C17orf67: variants seen among roughly 807,000 people sequenced by gnomAD.
C17orf67 encodes uncharacterized protein C17orf67.
In C17orf67, 12 loss-of-function variants were observed where a neutral mutation model predicts 11.2. The ratio of observed to expected loss-of-function variants is 1.07; its 90% confidence interval spans 0.68 to 1.73. The LOEUF (loss-of-function observed/expected upper bound fraction) is 1.73. Among genes scored for constraint, C17orf67 ranks in the 40% most tolerant of loss-of-function variants. The pLI is 0.00. For synonymous variants in C17orf67, 59 were observed against 46.9 expected (o/e 1.26, Z -1.05); for missense variants, 115 against 113.5 (o/e 1.01, Z -0.06).
chr17:56,813,336 A>C (rs1905677757), intron 6 of C17orf67, among the ~76,000 whole-genome samples: 1 of 140,752 alleles, frequency 7.1e-6, no homozygotes, highest in African/African-American at 2.7e-5. Context: ...TTGCTCTGCC[A>C]CCCCCACTCT....
intron 6 of C17orf67, among the ~76,000 whole-genome samples, chr17:56,798,658 T>C (rs1336985331): frequency 9.5e-6 from 1 of 105,390 alleles, no homozygotes; most frequent in Non-Finnish European, 2.0e-5. Flanking sequence ...TGAAACTCTG[T>C]CTCTACCAAA....
chr17:56,795,070 A>G lies in C17orf67; in HGVS notation c.267T>C (p.Pro89=). ...KPHCDRNRIH[P]V is the part of the protein sequence containing the mutation. ...GAGGCTGGTCCTGATCCCCTTACAC[A>G]GGATGAATCCTGTTCCTGTCACAGT... Residue 89 remains proline (P), a synonymous_variant, in exon 7 of 8, where the codon CCT becomes CCC. Transcript: ENST00000397861. 1 of 1,613,740 alleles carries G rather than the reference A, an allele frequency of 6.2e-7. No individual in the cohort carries two copies. Among genetic ancestry groups the G allele is most frequent in the Non-Finnish European group, 8.5e-7 (1 of 1,179,750 alleles).
At chr17:56,809,532 C>T (rs1376932734) in intron 6 of C17orf67, among the ~76,000 whole-genome samples, 5 of 146,322 alleles carry the variant, frequency 3.4e-5, no homozygotes, top group African/African-American at 5.1e-5. Flanking sequence ...TACACCCTCA[C>T]GTACACCCCT....
At chr17:56,809,617 A>G (rs112240127) in intron 6 of C17orf67, among the ~76,000 whole-genome samples, 3,226 of 124,276 alleles carry the variant, frequency 0.026, 132 homozygotes, top group African/African-American at 0.095. Flanking sequence ...CCTCACGCGC[A>G]CACACACCCA....
chr17:56,807,998 C>T (rs1248114792), intron 6 of C17orf67, among the ~76,000 whole-genome samples: 1 of 152,124 alleles, frequency 6.6e-6, no homozygotes, highest in Non-Finnish European at 1.5e-5. Context: ...TGTCTCCAAG[C>T]AAATTAGTTC....
At chr17:56,825,964 C>T (rs1477345169) in intron 2 of C17orf67, among the ~76,000 whole-genome samples, 7 of 125,916 alleles carry the variant, frequency 5.6e-5, no homozygotes, top group African/African-American at 1.8e-4. Context: ...TGTGTGTGCA[C>T]GCGTGTGTGT....
chr17:56,812,132 C>A (rs1390223435), intron 6 of C17orf67, among the ~76,000 whole-genome samples: 2 of 152,244 alleles, frequency 1.3e-5, no homozygotes, highest in Admixed American at 6.5e-5. Context: ...TCAACCAATT[C>A]TGTGTGTGTT....
intron 4 of C17orf67, among the ~76,000 whole-genome samples, chr17:56,819,124 T>C (rs1193218797): frequency 6.6e-6 from 1 of 152,146 alleles, no homozygotes; most frequent in Non-Finnish European, 1.5e-5. Context: ...GACCCTGTGT[T>C]TTTTGTGCCT....
chr17:56,830,950 A>G (rs1160697770), intron 2 of C17orf67, among the ~76,000 whole-genome samples: 1 of 152,230 alleles, frequency 6.6e-6, no homozygotes, highest in African/African-American at 2.4e-5. Flanking sequence ...TGAAGGGGGC[A>G]TGAGTCTGGT....
At chr17:56,818,742 T>C (rs1905824875) in intron 4 of C17orf67, among the ~76,000 whole-genome samples, 2 of 152,210 alleles carry the variant, frequency 1.3e-5, no homozygotes, top group Admixed American at 6.5e-5. Context: ...AAACAAGTTG[T>C]CAATGAGAGA....
intron 6 of C17orf67, among the ~76,000 whole-genome samples, chr17:56,798,268 C>T (rs1401807530): frequency 3.3e-5 from 5 of 151,936 alleles, no homozygotes; most frequent in Non-Finnish European, 2.9e-5. Context: ...ACCCCTTGTC[C>T]TACCTTCTTC....
At chr17:56,831,783 C>T (rs985727165) in intron 2 of C17orf67, among the ~76,000 whole-genome samples, 1 of 152,168 alleles carries the variant, frequency 6.6e-6, no homozygotes, top group Non-Finnish European at 1.5e-5. Flanking sequence ...CATGTACATA[C>T]GTACGACTGA....
At chr17:56,829,519 C>G (rs928649918) in intron 2 of C17orf67, among the ~76,000 whole-genome samples, 1 of 152,168 alleles carries the variant, frequency 6.6e-6, no homozygotes, top group African/African-American at 2.4e-5. Context: ...CCCAGGAGGG[C>G]TTGGGTCTTA....
At chr17:56,828,693 C>T (rs1223711329) in intron 2 of C17orf67, among the ~76,000 whole-genome samples, 1 of 152,100 alleles carries the variant, frequency 6.6e-6, no homozygotes, top group Non-Finnish European at 1.5e-5. Flanking sequence ...TACACCTTCT[C>T]CCCCATCACA....
At chr17:56,816,498 A>G (rs982498946) in intron 4 of C17orf67, among the ~76,000 whole-genome samples, 6 of 152,240 alleles carry the variant, frequency 3.9e-5, no homozygotes, top group African/African-American at 1.4e-4. Context: ...CATGGCAGCT[A>G]GTACTATTCA....
intron 6 of C17orf67, among the ~76,000 whole-genome samples, chr17:56,809,850 C>T (rs1597992551): frequency 6.9e-6 from 1 of 144,150 alleles, no homozygotes; most frequent in African/African-American, 2.6e-5. Context: ...TACACATACA[C>T]CCTCACACAC....
chr17:56,806,104 A>T (rs1948792475), intron 6 of C17orf67, among the ~76,000 whole-genome samples: 2 of 150,548 alleles, frequency 1.3e-5, no homozygotes, highest in African/African-American at 4.9e-5. Flanking sequence ...CCTCCCGAGT[A>T]GCTGGGACTA....
In C17orf67 at chr17:56,795,029, G is replaced by A; in HGVS notation, c.*20+15C>T. 1 of 1,560,084 alleles carries A rather than the reference G, an allele frequency of 6.4e-7. No individual in the cohort carries two copies. The highest frequency in any genetic ancestry group is 8.8e-7 in the Non-Finnish European group (1 of 1,132,052). On this transcript the variant is annotated intron_variant, in intron 7 of 7. Transcript: ENST00000397861. The stretch of plus-strand genomic sequence containing the variant: ...CTCCCTCAGACAGAGGTCCGGGAGA[G>A]AGAAGGAGACGTACCGAGGCTGGTC...
chr17:56,805,821 A>G (rs561674846), intron 6 of C17orf67, among the ~76,000 whole-genome samples: 1 of 152,322 alleles, frequency 6.6e-6, no homozygotes, highest in African/African-American at 2.4e-5. Flanking sequence ...AGATTATAAT[A>G]ATATGAGGAC....
Sources: gnomAD v4.1 joint callset for allele counts (sites outside exome capture counted in the v4.1 genomes callset) on GRCh38, gnomAD v4.1.1 for gene constraint, MANE v1.5 for transcripts, NCBI Gene and HGNC (gene_info 2026-07-23, HGNC 2026-07-21) for gene names.